PTPRT: variants seen among roughly 807,000 people sequenced by gnomAD.
PTPRT encodes protein tyrosine phosphatase receptor type T.
PTPRT carries 56 observed loss-of-function variants against 176.8 expected under a neutral mutation model. The ratio of observed to expected loss-of-function variants is 0.32; its 90% CI spans 0.26 to 0.40. PTPRT has a LOEUF of 0.40. Ranked by LOEUF, PTPRT falls within the 10% of genes least tolerant of loss-of-function variation. The pLI, the probability that PTPRT is intolerant of heterozygous loss-of-function variation, is 1.00. For missense variants in PTPRT, 1,540 were observed against 1,908.2 expected (o/e 0.81, Z 3.60); for synonymous variants, 783 against 739.0 (o/e 1.06, Z -0.96).
At chr20:42,907,236 C>G (rs1016252562) in intron 1 of PTPRT, among the ~76,000 whole-genome samples, 1 of 152,118 alleles carries the variant, frequency 6.6e-6, no homozygotes, top group Non-Finnish European at 1.5e-5. Context: ...AAATAGGAGA[C>G]AAAGAGATGC....
chr20:42,124,903 T>C (rs186965778), intron 19 of PTPRT, among the ~76,000 whole-genome samples: 2 of 152,182 alleles, frequency 1.3e-5, no homozygotes, highest in African/African-American at 4.8e-5. Flanking sequence ...GATCGCGCCA[T>C]GGGCTCCTAT....
Position 42,372,279 on chromosome 20 carries a change from C to CT in PTPRT, c.1561-19995dup, listed in dbSNP as rs10588893. Among the ~76,000 whole-genome samples, 252 of 83,620 alleles carry CT rather than the reference C, an allele frequency of 3.0e-3. 4 individuals carry two copies. The highest frequency in any genetic ancestry group is 0.014 in the Middle Eastern group (2 of 146). 54.9% of individuals were successfully genotyped at this position (83,620 alleles called of 152,430 possible). On this transcript the variant is annotated intron_variant, in intron 9 of 30. Transcript: ENST00000373187. ...AACAGAAGACAGGGTTTTCTTAACT[C>CT]TTTTTTTTTTTTTTTTTTTTTTGAG... is the stretch of plus-strand genomic sequence containing the variant.
At chr20:43,000,143 T>G (rs2223559) in intron 1 of PTPRT, among the ~76,000 whole-genome samples, 30,574 of 150,794 alleles carry the variant, frequency 0.2, 3,275 homozygotes, top group Non-Finnish European at 0.23. Context: ...TTCCTGGAAA[T>G]ACCCAACCCT....
rs2145406583 is a variant in PTPRT, at chr20:42,756,551, G to C, written c.770C>G (p.Thr257Ser). Reference protein sequence around the residue: ...RFSATVSVADTAQRSVSKYRC... With the variant: ...RFSATVSVADSAQRSVSKYRC... ...GTACTTGCTGACGCTCCGCTGGGCA[G>C]TGTCTGCCACACTGACTGTGGCTGA... The change falls in exon 6 of 31, where the codon ACT (threonine) becomes AGT (serine). Residue 257 changes from threonine to serine, a missense_variant. By Grantham distance (58) the Thr-to-Ser change is moderately conservative. This residue lies in a region of PTPRT where 273 missense variants were observed against 432.1 expected (regional missense o/e 0.63). Transcript: ENST00000373187. 6.2e-7 allele frequency: 1 copy of C among 1,613,256 alleles called. No homozygotes were observed. Among genetic ancestry groups the C allele is most frequent in the Non-Finnish European group, 8.5e-7 (1 of 1,179,398 alleles).
At chr20:43,081,074 T>G in intron 1 of PTPRT, among the ~76,000 whole-genome samples, 1 of 152,278 alleles carries the variant, frequency 6.6e-6, no homozygotes, top group South Asian at 2.1e-4. Context: ...TAGCTGAAGC[T>G]GGCTTGTCAT....
chr20:42,896,016 C>T (rs1188756155), intron 1 of PTPRT, among the ~76,000 whole-genome samples: 1 of 152,178 alleles, frequency 6.6e-6, no homozygotes, highest in Non-Finnish European at 1.5e-5. Context: ...GGGAGGAACA[C>T]GTCTCCCATT....
intron 24 of PTPRT, 23 bp downstream of exon 24, chr20:42,106,763 T>G (rs1275335434): frequency 6.8e-6 from 11 of 1,607,208 alleles, no homozygotes; most frequent in Admixed American, 1.7e-5. Context: ...GGTGGCCAAC[T>G]GTCTTGGCCC....
At chr20:43,027,172 G>A (rs1985945776) in intron 1 of PTPRT, among the ~76,000 whole-genome samples, 1 of 152,070 alleles carries the variant, frequency 6.6e-6, no homozygotes, top group Non-Finnish European at 1.5e-5. Flanking sequence ...GGTCTTTAAA[G>A]AGCTGATTAA....
At chr20:42,757,807 C>T (rs2076857300) in intron 5 of PTPRT, among the ~76,000 whole-genome samples, 1 of 152,212 alleles carries the variant, frequency 6.6e-6, no homozygotes, top group Non-Finnish European at 1.5e-5. Context: ...TTTGAACAAA[C>T]CTCTTTCACA....
chr20:42,688,997 G>A (rs976460357), intron 6 of PTPRT, among the ~76,000 whole-genome samples: 3 of 152,186 alleles, frequency 2.0e-5, no homozygotes, highest in Admixed American at 6.5e-5. Flanking sequence ...CCAGAGTCCT[G>A]TGGACTCACA....
At chr20:42,434,791 G>A (rs1469859684) in intron 9 of PTPRT, among the ~76,000 whole-genome samples, 2 of 138,494 alleles carry the variant, frequency 1.4e-5, no homozygotes, top group Non-Finnish European at 3.1e-5. Flanking sequence ...GTGAAACCCC[G>A]TCTCTATTAA....
rs1051272561 is a variant in PTPRT, at chr20:42,874,863, T to C, written c.214+10944A>G. ...GGTTTATTATCCATTCACATAGACTTTAGAACCTCTTTATTCTTTCTTTCT... is the reference window on the plus strand; with the variant it reads ...GGTTTATTATCCATTCACATAGACTCTAGAACCTCTTTATTCTTTCTTTCT... On this transcript the variant is annotated intron_variant, in intron 2 of 30. Transcript: ENST00000373187. Among the ~76,000 whole-genome samples the C allele has an allele frequency of 5.3e-5, 8 of 152,310 alleles. No homozygotes were observed. In the East Asian group the frequency reaches 1.4e-3, roughly 26 times the overall value.
intron 11 of PTPRT, among the ~76,000 whole-genome samples, chr20:42,326,461 A>C (rs2057883425): frequency 6.6e-6 from 1 of 152,254 alleles, no homozygotes; most frequent in South Asian, 2.1e-4. Context: ...AAAGACTGTT[A>C]AAATTAATAA....
chr20:42,620,803 G>A (rs180751961), intron 7 of PTPRT, among the ~76,000 whole-genome samples: 11 of 152,210 alleles, frequency 7.2e-5, no homozygotes, highest in East Asian at 3.9e-4. Flanking sequence ...TTCGGCTTGC[G>A]CACGGTGCGC....
At chr20:42,613,082 C>A (rs6102949) in intron 7 of PTPRT, among the ~76,000 whole-genome samples, 35,240 of 152,160 alleles carry the variant, frequency 0.23, 4,927 homozygotes, top group African/African-American at 0.4. Context: ...CATTTTCTTC[C>A]ATGAAGCAAA....
intron 9 of PTPRT, among the ~76,000 whole-genome samples, chr20:42,399,834 C>A (rs1026999165): frequency 1.3e-5 from 2 of 152,196 alleles, no homozygotes; most frequent in Non-Finnish European, 2.9e-5. Flanking sequence ...TTCTAGCCAC[C>A]ATTTACATCA....
intron 9 of PTPRT, among the ~76,000 whole-genome samples, chr20:42,360,619 ACTT>A (rs1428890831): frequency 6.6e-6 from 1 of 152,092 alleles, no homozygotes; most frequent in Non-Finnish European, 1.5e-5. Flanking sequence ...GTATTGCAAT[ACTT>A]CTTGGGTTTC....
chr20:42,393,573 A>G (rs1414972190), intron 9 of PTPRT, among the ~76,000 whole-genome samples: 3 of 152,156 alleles, frequency 2.0e-5, no homozygotes, highest in African/African-American at 7.2e-5. Context: ...CCATTTCTCA[A>G]TAACACACAA....
rs573402602 is a variant in PTPRT at position 42,380,260 on chromosome 20, C to T, written c.1561-27975G>A. Among the ~76,000 whole-genome samples the T allele has an allele frequency of 6.3e-4, 96 of 152,318 alleles. 1 individual carries two copies. In the South Asian group the frequency reaches 0.019, roughly 30 times the overall value. On this transcript the variant is annotated intron_variant, in intron 9 of 30. Coordinates refer to ENST00000373187, the MANE Select transcript of PTPRT (RefSeq NM_007050.6). ...GAGACTGGATCCCTGATCTAAATCA[C>T]GCTGCCACCTTCTCCATGTGCTGGA...
Sources: gnomAD v4.1 joint callset for allele counts (sites outside exome capture counted in the v4.1 genomes callset) on GRCh38, gnomAD v4.1.1 for gene constraint, gnomAD v4.1.1 regional missense constraint, MANE v1.5 for transcripts, NCBI Gene and HGNC (gene_info 2026-07-23, HGNC 2026-07-21) for gene names.